NUFIP2: variants seen among roughly 807,000 people sequenced by gnomAD.
NUFIP2 encodes nuclear FMR1 interacting protein 2, also known as FMR1-interacting protein NUFIP2.
A neutral mutation model predicts 56.9 loss-of-function variants in NUFIP2; 6 were observed. The ratio of observed to expected loss-of-function variants is 0.11; its 90% confidence interval spans 0.06 to 0.21. The LOEUF (loss-of-function observed/expected upper bound fraction) is 0.21. NUFIP2 is among the 10% of genes least tolerant of loss of function. NUFIP2 has a pLI of 1.00. For synonymous variants in NUFIP2, 321 were observed against 298.2 expected, an observed-to-expected ratio of 1.08 and a Z score of -0.79; for missense variants, 828 against 826.8, an observed-to-expected ratio of 1.00 and a Z score of -0.02.
At chr17:29,279,246 G>C (rs1028128795) in intron 2 of NUFIP2, among the ~76,000 whole-genome samples, 5 of 152,060 alleles carry the variant, frequency 3.3e-5, no homozygotes, top group African/African-American at 9.7e-5. Flanking sequence ...TCAATTTTAT[G>C]GATTAATCAT....
intron 1 of NUFIP2, among the ~76,000 whole-genome samples, chr17:29,293,210 C>G (rs551682768): frequency 5.9e-5 from 9 of 151,658 alleles, no homozygotes; most frequent in African/African-American, 2.2e-4. Context: ...GTGGAAATGA[C>G]CCGTGAGATG....
chr17:29,270,324 GAA>G (rs386385865), intron 2 of NUFIP2, among the ~76,000 whole-genome samples: 3 of 81,372 alleles, frequency 3.7e-5, no homozygotes, highest in African/African-American at 4.1e-5. Flanking sequence ...CTAACCTGGA[GAA>G]AAAAAAAAAA....
intron 2 of NUFIP2, among the ~76,000 whole-genome samples, chr17:29,277,701 A>G (rs2069115823): frequency 6.6e-6 from 1 of 152,100 alleles, no homozygotes; most frequent in African/African-American, 2.4e-5. Context: ...CAGTTTGACA[A>G]TACCCAGAGA....
Position 29,294,142 on chromosome 17 carries a change from T to A in NUFIP2, c.-83A>T. The A allele has an allele frequency of 6.8e-7, 1 of 1,479,324 alleles. No individual in the cohort carries two copies. Among genetic ancestry groups the A allele is most frequent in the Non-Finnish European group, 9.0e-7 (1 of 1,110,052 alleles). 91.6% of individuals were successfully genotyped at this position (1,479,324 alleles called of 1,614,324 possible). ...AGACTGCTTCTCAGGGCTCACTCAG[T>A]ATATCTGAGCGCGTCTCGCCAGCGC... On this transcript the variant is annotated 5_prime_UTR_variant, in exon 1 of 4. Coordinates refer to ENST00000225388, the MANE Select transcript of NUFIP2 (RefSeq NM_020772.3).
rs934594367 is a variant in NUFIP2, at chr17:29,260,579, A to T, written c.*3960T>A. On this transcript the variant is annotated 3_prime_UTR_variant, in exon 4 of 4. Transcript: ENST00000225388. ...CAATTTCACACTAAATGGCTTATTT[A>T]AAAAAGTTCACAGCAATTACAAAAG... 9 of 152,210 alleles carry T rather than the reference A, an allele frequency of 5.9e-5. No individual in the cohort carries two copies. The highest frequency in any genetic ancestry group is 1.2e-4 in the Non-Finnish European group (8 of 68,034). 9.4% of individuals were successfully genotyped at this position (152,210 alleles called of 1,614,324 possible).
At chr17:29,288,575 T>C (rs2069192161) in intron 1 of NUFIP2, among the ~76,000 whole-genome samples, 1 of 152,366 alleles carries the variant, frequency 6.6e-6, no homozygotes, top group African/African-American at 2.4e-5. Context: ...TATTGGATAT[T>C]GTTAATACGT....
chr17:29,259,993 T>C lies in NUFIP2; in HGVS notation c.*4546A>G, dbSNP rs1257986374. 3 of 152,210 alleles carry C rather than the reference T, an allele frequency of 2.0e-5. No individual in the cohort carries two copies. Among genetic ancestry groups the C allele is most frequent in the South Asian group, 2.1e-4 (1 of 4,832 alleles). The allele number at this position is 152,210 out of a possible 1,614,324, so 9.4% of individuals were successfully genotyped here. A position where few individuals can be genotyped will look rare whatever the true frequency, so the allele number is the denominator to read the frequency against. Reference sequence around the variant, plus strand: ...ATATTTTAAAAGAAACATTTTAAGATACCAAAACAGAAGCCCACCCTTTTC... The same window carrying C: ...ATATTTTAAAAGAAACATTTTAAGACACCAAAACAGAAGCCCACCCTTTTC... On this transcript the variant is annotated 3_prime_UTR_variant, in exon 4 of 4. Coordinates refer to ENST00000225388, the MANE Select transcript of NUFIP2 (RefSeq NM_020772.3).
chr17:29,284,631 G>A (rs34116625), intron 2 of NUFIP2, among the ~76,000 whole-genome samples: 7,312 of 149,760 alleles, frequency 0.049, 249 homozygotes, highest in South Asian at 0.16. Context: ...ACTTGAACCC[G>A]GGAGGCGGAG....
chr17:29,292,885 G>GGT (rs916642481), intron 1 of NUFIP2, among the ~76,000 whole-genome samples: 1 of 146,224 alleles, frequency 6.8e-6, no homozygotes, highest in Admixed American at 6.7e-5. Context: ...CGGCGACGGG[G>GGT]GGGGGGGCGG....
intron 2 of NUFIP2, among the ~76,000 whole-genome samples, chr17:29,283,307 A>G (rs2153012221): frequency 6.6e-6 from 1 of 152,342 alleles, no homozygotes; most frequent in Non-Finnish European, 1.5e-5. Context: ...AAGAACTATT[A>G]ACCAGTTACC....
At chr17:29,288,115 C>G (rs2153012694) in intron 1 of NUFIP2, among the ~76,000 whole-genome samples, 1 of 152,374 alleles carries the variant, frequency 6.6e-6, no homozygotes, top group South Asian at 2.1e-4. Flanking sequence ...GCTATCTCCG[C>G]TCACTGTAAG....
At chr17:29,288,755 CTATGTAA>C in intron 1 of NUFIP2, among the ~76,000 whole-genome samples, 1 of 152,214 alleles carries the variant, frequency 6.6e-6, no homozygotes, top group East Asian at 1.9e-4. Context: ...TTTCCTATCA[CTATGTAA>C]TACTGCCTTG....
In NUFIP2 at chr17:29,286,675, G is replaced by T; in HGVS notation, c.1319C>A (p.Ala440Asp). 6.2e-7 allele frequency: 1 copy of T among 1,614,158 alleles called. No individual in the cohort carries two copies. The highest frequency in any genetic ancestry group is 1.1e-5 in the South Asian group (1 of 91,078). Residue 440 changes from alanine (A) to aspartate (D), a missense_variant, in exon 2 of 4, where the codon GCT (alanine) becomes GAT (aspartate). Around this residue, in one of 3 missense-constraint regions of NUFIP2, gnomAD observed 404 missense variants for 380.3 expected, o/e 1.06. Transcript: ENST00000225388. Reference sequence around the variant, plus strand: ...AGAAGAGATGGGTGTTAGAGTATTAGCAGCAGTAGTTAGCAGTGGCTGACC... The same window carrying T: ...AGAAGAGATGGGTGTTAGAGTATTATCAGCAGTAGTTAGCAGTGGCTGACC... ...PGGQPLLTTA[A>D]NTLTPISSGT...
At chr17:29,275,577 C>T (rs1435288933) in intron 2 of NUFIP2, among the ~76,000 whole-genome samples, 1 of 152,184 alleles carries the variant, frequency 6.6e-6, no homozygotes, top group Non-Finnish European at 1.5e-5. Flanking sequence ...ACTTTCTAGT[C>T]ATCTCTTTTT....
intron 2 of NUFIP2, among the ~76,000 whole-genome samples, chr17:29,277,184 C>G (rs2069113181): frequency 1.3e-5 from 2 of 152,050 alleles, no homozygotes. Flanking sequence ...GCCACCATGC[C>G]CGGCTCATTT....
At chr17:29,277,702 T>C (rs1255547835) in intron 2 of NUFIP2, among the ~76,000 whole-genome samples, 1 of 152,142 alleles carries the variant, frequency 6.6e-6, no homozygotes, top group Non-Finnish European at 1.5e-5. Context: ...AGTTTGACAA[T>C]ACCCAGAGAG....
rs558091162 is a variant in NUFIP2, at chr17:29,260,644, C to G, written c.*3895G>C. The G allele has an allele frequency of 6.6e-6, 1 of 152,224 alleles. No individual in the cohort carries two copies. Among genetic ancestry groups the G allele is most frequent in the African/African-American group, 2.4e-5 (1 of 41,536 alleles). The allele number at this position is 152,224 out of a possible 1,614,324, so 9.4% of individuals were successfully genotyped here. A position where few individuals can be genotyped will look rare whatever the true frequency, so the allele number is the denominator to read the frequency against. ...GCCTCTGATGTGGGGAAGCAACAAG[C>G]CTAACAACCAAGTATGATATTATCA... On this transcript the variant is annotated 3_prime_UTR_variant, in exon 4 of 4. Transcript: ENST00000225388.
rs1400540864 is a variant in NUFIP2 at position 29,258,435 on chromosome 17, T to C, written c.*6104A>G. ...TCAGGGCAGCACTATTTCCCCTCTA[T>C]ATACAAACAAAAAATAAGTCCCCAG... On this transcript the variant is annotated 3_prime_UTR_variant, in exon 4 of 4. Transcript: ENST00000225388. 2 of 152,160 alleles carry C rather than the reference T, an allele frequency of 1.3e-5. No homozygotes were observed. Among genetic ancestry groups the C allele is most frequent in the Non-Finnish European group, 2.9e-5 (2 of 68,014 alleles). 9.4% of individuals were successfully genotyped at this position (152,160 alleles called of 1,614,324 possible).
At position 29,287,490 on chromosome 17, in the gene NUFIP2, A is replaced by G. The variant is rs1421010464; in HGVS notation, c.504T>C (p.Tyr168=). The G allele has an allele frequency of 1.2e-6, 2 of 1,613,964 alleles. No homozygotes were observed. Among genetic ancestry groups the G allele is most frequent in the African/African-American group, 2.7e-5 (2 of 74,906 alleles). ...NSMDKKNGKS[Y]ENKSGENQSV... ...ACTGATTCTCTCCAGATTTATTTTC[A>G]TAAGACTTCCCATTCTTTTTGTCCA... is the stretch of plus-strand genomic sequence containing the variant. Residue 168 remains tyrosine (Y), a synonymous_variant, in exon 2 of 4, where the codon TAT becomes TAC. Transcript: ENST00000225388.
Sources: gnomAD v4.1 joint callset for allele counts (sites outside exome capture counted in the v4.1 genomes callset) on GRCh38, gnomAD v4.1.1 for gene constraint, gnomAD v4.1.1 regional missense constraint, MANE v1.5 for transcripts, NCBI Gene and HGNC (gene_info 2026-07-23, HGNC 2026-07-21) for gene names.